ELP4: variants seen among roughly 807,000 people sequenced by gnomAD.
The protein encoded by ELP4 is elongator complex protein 4.
ELP4 carries 51 observed loss-of-function variants against 48.9 expected under a neutral mutation model. The ratio of observed to expected loss-of-function variants is 1.04; its 90% CI spans 0.83 to 1.32. The LOEUF is 1.32. Ranked by LOEUF, ELP4 falls within the 40% of genes most tolerant of loss-of-function variation. The pLI is 0.00. For missense variants in ELP4, 519 were observed against 514.6 expected (o/e 1.01, Z -0.08); for synonymous variants, 210 against 189.2 (o/e 1.11, Z -0.90).
chr11:31,540,310 A>G (rs866085220), intron 3 of ELP4, among the ~76,000 whole-genome samples: 1 of 152,216 alleles, frequency 6.6e-6, no homozygotes, highest in Admixed American at 6.5e-5. Flanking sequence ...ACTGTTAGAT[A>G]AAGTATATGA....
At chr11:31,529,123 A>T (rs1462019205) in intron 2 of ELP4, among the ~76,000 whole-genome samples, 2 of 152,032 alleles carry the variant, frequency 1.3e-5, no homozygotes, top group African/African-American at 4.8e-5. Context: ...CTGAAAAAAA[A>T]AAAAAAAGTT....
rs2134402729 is a variant in ELP4 at position 31,790,123 on chromosome 11, A to AC, written c.*6599_*6600insC. The AC allele has an allele frequency of 2.8e-6, 2 of 724,194 alleles. No individual in the cohort carries two copies. Among genetic ancestry groups the AC allele is most frequent in the Non-Finnish European group, 4.6e-6 (2 of 436,736 alleles). 44.9% of individuals were successfully genotyped at this position (724,194 alleles called of 1,614,324 possible). On this transcript the variant is annotated 3_prime_UTR_variant, in exon 10 of 10. Coordinates refer to ENST00000640961, the MANE Select transcript of ELP4 (RefSeq NM_019040.5). ...AAAAAAAAAAAAAAAAAAAAAAACT[A>AC]ATACTTTCTAACATTTTTTACTGTA...
intron 9 of ELP4, among the ~76,000 whole-genome samples, chr11:31,779,065 G>A (rs1948311148): frequency 6.6e-6 from 1 of 152,076 alleles, no homozygotes; most frequent in Non-Finnish European, 1.5e-5. Context: ...AATCTATTAG[G>A]AGTATTCTGA....
chr11:31,721,490 T>G (rs1191107940), intron 9 of ELP4, among the ~76,000 whole-genome samples: 1 of 152,170 alleles, frequency 6.6e-6, no homozygotes, highest in African/African-American at 2.4e-5. Flanking sequence ...GTCTTGGCTT[T>G]TTTTTTTAAT....
chr11:31,783,357 C>T (rs1565152986), intron 9 of ELP4, 36 bp from the exon 10 acceptor site: 1 of 1,586,070 alleles, frequency 6.3e-7, no homozygotes, highest in Non-Finnish European at 8.6e-7. Flanking sequence ...TTTCTTCTTT[C>T]TTCTTTTTTT....
intron 6 of ELP4, 97 bp from the exon 7 acceptor site, chr11:31,632,120 C>T (rs1207104348): frequency 1.0e-6 from 1 of 969,372 alleles, no homozygotes; most frequent in Non-Finnish European, 1.5e-6. Flanking sequence ...TTGACATTGT[C>T]TCCCTGATGT....
intron 2 of ELP4, among the ~76,000 whole-genome samples, chr11:31,525,242 A>C (rs940244678): frequency 6.6e-6 from 1 of 152,178 alleles, no homozygotes; most frequent in Non-Finnish European, 1.5e-5. Context: ...TTGATATTCT[A>C]CTAAACTTAC....
intron 6 of ELP4, among the ~76,000 whole-genome samples, chr11:31,627,669 C>T (rs773130883): frequency 4.0e-5 from 6 of 151,874 alleles, no homozygotes; most frequent in Non-Finnish European, 7.4e-5. Flanking sequence ...TTTATAACAA[C>T]GATTTCTCTG....
At chr11:31,699,855 A>G (rs909934640) in intron 9 of ELP4, among the ~76,000 whole-genome samples, 9 of 152,160 alleles carry the variant, frequency 5.9e-5, no homozygotes, top group Non-Finnish European at 1.3e-4. Context: ...AAGCATGATC[A>G]TGAGGAAATA....
At chr11:31,741,857 A>G (rs1351967024) in intron 9 of ELP4, among the ~76,000 whole-genome samples, 4 of 152,230 alleles carry the variant, frequency 2.6e-5, no homozygotes, top group South Asian at 2.1e-4. Flanking sequence ...CTGCAAAGGA[A>G]CGCAGCTCCT....
chr11:31,585,111 A>G (rs1171008940), intron 3 of ELP4, among the ~76,000 whole-genome samples: 1 of 152,208 alleles, frequency 6.6e-6, no homozygotes, highest in African/African-American at 2.4e-5. Flanking sequence ...CTCCAAAAAA[A>G]TCAGTTGTGA....
chr11:31,717,485 A>G (rs1304958310), intron 9 of ELP4, among the ~76,000 whole-genome samples: 1 of 152,158 alleles, frequency 6.6e-6, no homozygotes, highest in Non-Finnish European at 1.5e-5. Context: ...GCCAGGCACA[A>G]TGGCTCACGC....
chr11:31,544,009 T>A (rs1396961593), intron 3 of ELP4, among the ~76,000 whole-genome samples: 2 of 152,118 alleles, frequency 1.3e-5, no homozygotes, highest in Admixed American at 6.5e-5. Context: ...TGGAAAAAGA[T>A]CGGGGAGGAG....
intron 9 of ELP4, among the ~76,000 whole-genome samples, chr11:31,746,974 A>AT (rs2134231917): frequency 6.6e-6 from 1 of 152,084 alleles, no homozygotes; most frequent in East Asian, 1.9e-4. Context: ...CATATGATAG[A>AT]TTTTCTTTTA....
rs1957214157 is a variant in ELP4 at position 31,573,133 on chromosome 11, A to T, written c.382-21637A>T. Among the ~76,000 whole-genome samples, 3 of 152,344 alleles carry T rather than the reference A, an allele frequency of 2.0e-5. No homozygotes were observed. The South Asian group carries it at 6.2e-4, about 32-fold the overall frequency. ...TTTCATATACAATTCAGTGAGTTTG[A>T]GTAAATGTTCACAGTTTTATAACCA... is the stretch of plus-strand genomic sequence containing the variant. On this transcript the variant is annotated intron_variant, in intron 3 of 9. Transcript: ENST00000640961.
chr11:31,763,550 GTATGGGC>G, intron 9 of ELP4: 1 of 1,591,858 alleles, frequency 6.3e-7, no homozygotes, highest in Non-Finnish European at 8.5e-7. Context: ...CTTGCAAAGG[GTATGGGC>G]TTTCCCTTTT....
chr11:31,597,474 G>C (rs939060842), intron 4 of ELP4, among the ~76,000 whole-genome samples: 49 of 152,180 alleles, frequency 3.2e-4, no homozygotes, highest in African/African-American at 1.1e-3. Context: ...ACTAGCACTT[G>C]AGAACCCTAA....
intron 3 of ELP4, among the ~76,000 whole-genome samples, chr11:31,549,272 A>G (rs977910359): frequency 4.0e-5 from 6 of 151,846 alleles, no homozygotes; most frequent in Non-Finnish European, 8.8e-5. Flanking sequence ...TCTACAATGA[A>G]CTCAAACAAA....
intron 3 of ELP4, among the ~76,000 whole-genome samples, chr11:31,579,937 TAAATA>T (rs1957359556): frequency 6.6e-6 from 1 of 151,622 alleles, no homozygotes; most frequent in African/African-American, 2.4e-5. Flanking sequence ...AGTATAAAAA[TAAATA>T]AATAAAAATA....
Sources: allele counts gnomAD v4.1 joint callset (sites outside exome capture counted in the v4.1 genomes callset), GRCh38; gene constraint gnomAD v4.1.1; transcripts MANE v1.5; gene names NCBI Gene and HGNC (gene_info 2026-07-23, HGNC 2026-07-21).